Variants in CMSS1 observed in about 807,000 individuals in gnomAD.
The protein encoded by CMSS1 is protein CMSS1.
A neutral mutation model predicts 43.5 loss-of-function variants in CMSS1; 33 were observed. The observed-to-expected ratio is 0.76, with a 90% CI of 0.57 to 1.01. CMSS1 has a LOEUF of 1.01. Ranked by LOEUF, CMSS1 falls within the 50% of genes least tolerant of loss-of-function variation. The pLI, the probability that CMSS1 is intolerant of heterozygous loss-of-function variation, is 0.00. For missense variants in CMSS1, 313 were observed against 326.4 expected (o/e 0.96, Z 0.32); for synonymous variants, 115 against 117.2 (o/e 0.98, Z 0.12).
At chr3:99,999,257 A>G (rs1297062297) in intron 1 of CMSS1, among the ~76,000 whole-genome samples, 1 of 152,204 alleles carries the variant, frequency 6.6e-6, no homozygotes, top group East Asian at 1.9e-4. Flanking sequence ...TGTAGCAAGG[A>G]GGAAAAAGAG....
chr3:99,971,426 A>T (rs1378675277), intron 1 of CMSS1, among the ~76,000 whole-genome samples: 1 of 152,068 alleles, frequency 6.6e-6, no homozygotes, highest in Non-Finnish European at 1.5e-5. Flanking sequence ...AGAGATGAGG[A>T]GTCCTCTTTT....
intron 1 of CMSS1, among the ~76,000 whole-genome samples, chr3:100,126,041 C>T (rs1448694515): frequency 1.3e-5 from 2 of 152,196 alleles, no homozygotes; most frequent in Admixed American, 1.3e-4. Context: ...GTATGATGAT[C>T]TATGTATTCC....
chr3:100,035,747 T>C (rs1413003603), intron 1 of CMSS1, among the ~76,000 whole-genome samples: 3 of 152,192 alleles, frequency 2.0e-5, no homozygotes, highest in African/African-American at 7.2e-5. Flanking sequence ...AAAATTCAAA[T>C]GTAGAGAGAA....
At chr3:99,967,691 C>G (rs1708695090) in intron 1 of CMSS1, among the ~76,000 whole-genome samples, 1 of 152,150 alleles carries the variant, frequency 6.6e-6, no homozygotes, top group Non-Finnish European at 1.5e-5. Flanking sequence ...TGAAAGACAC[C>G]TGAGAAATCT....
At chr3:100,156,922 G>T (rs1300962485) in intron 2 of CMSS1, among the ~76,000 whole-genome samples, 2 of 151,834 alleles carry the variant, frequency 1.3e-5, no homozygotes, top group African/African-American at 2.4e-5. Flanking sequence ...GCTGTTTTTT[G>T]TTGTTGTTGT....
In CMSS1 at chr3:99,876,740, GTGA is replaced by G. The variant is rs140820932; in HGVS notation, c.64+58703_64+58705del. Among the ~76,000 whole-genome samples the G allele has an allele frequency of 6.6e-5, 10 of 152,230 alleles. No homozygotes were observed. In the East Asian group the frequency reaches 1.7e-3, roughly 27 times the overall value. On this transcript the variant is annotated intron_variant, in intron 1 of 9. Transcript: ENST00000421999. ...ATGTAACTACCAAACAATTCTTCAA[GTGA>G]TGATGGAAAGGCCAGATGAAATCTT...
Position 100,101,815 on chromosome 3 carries a change from C to T in CMSS1, c.65-45158C>T, listed in dbSNP as rs2066311406. 4.6e-5 allele frequency among the ~76,000 whole-genome samples: 7 copies of T among 152,240 alleles called. No individual in the cohort carries two copies. In the South Asian group the frequency reaches 1.5e-3, roughly 32 times the overall value. The stretch of plus-strand genomic sequence containing the variant: ...GCCCCAGTGTGTGATGTTCCCCTTC[C>T]TGTGTCCATGTGTTCTCATTGTTCA... On this transcript the variant is annotated intron_variant, in intron 1 of 9. Transcript: ENST00000421999.
intron 1 of CMSS1, among the ~76,000 whole-genome samples, chr3:100,121,324 G>A (rs912266784): frequency 3.6e-5 from 5 of 137,990 alleles, no homozygotes; most frequent in Non-Finnish European, 6.0e-5. Flanking sequence ...TCCCACTTAT[G>A]AGTAAGAACA....
chr3:99,992,515 G>A (rs965510979), intron 1 of CMSS1, among the ~76,000 whole-genome samples: 1 of 151,580 alleles, frequency 6.6e-6, no homozygotes, highest in Non-Finnish European at 1.5e-5. Flanking sequence ...GGGGTTATTT[G>A]GTTTTTTTCT....
chr3:99,832,994 C>A, intron 1 of CMSS1: 1 of 489,932 alleles, frequency 2.0e-6, no homozygotes, highest in Non-Finnish European at 3.6e-6. Context: ...AAGTTTTGTC[C>A]AAATTTGGAA....
At chr3:100,103,527 G>A (rs1382598628) in intron 1 of CMSS1, among the ~76,000 whole-genome samples, 1 of 152,166 alleles carries the variant, frequency 6.6e-6, no homozygotes, top group African/African-American at 2.4e-5. Flanking sequence ...CTTGAATCAG[G>A]TTTTTTCTAG....
chr3:99,924,548 C>T lies in CMSS1; in HGVS notation c.64+106505C>T, dbSNP rs551792680. 38 of 844,414 alleles carry T rather than the reference C, an allele frequency of 4.5e-5. No individual in the cohort carries two copies. In the East Asian group the frequency reaches 5.5e-4, roughly 12 times the overall value. 52.3% of individuals were successfully genotyped at this position (844,414 alleles called of 1,614,324 possible). A position where few individuals can be genotyped will look rare whatever the true frequency, so the allele number is the denominator to read the frequency against. On this transcript the variant is annotated intron_variant, in intron 1 of 9. Coordinates refer to ENST00000421999, the MANE Select transcript of CMSS1 (RefSeq NM_032359.4). ...TGTTTGTTTGTTTTGAAACAGTTTTCGCTGTCGTTGCCCAGGCTGGAGTGC... is the reference window on the plus strand; with the variant it reads ...TGTTTGTTTGTTTTGAAACAGTTTTTGCTGTCGTTGCCCAGGCTGGAGTGC...
At chr3:100,059,741 C>G (rs1483093691) in intron 1 of CMSS1, among the ~76,000 whole-genome samples, 1 of 152,172 alleles carries the variant, frequency 6.6e-6, no homozygotes, top group African/African-American at 2.4e-5. Flanking sequence ...TCCATATGTG[C>G]CGGCCTAGAA....
At chr3:100,157,814 T>C (rs2066989038) in intron 2 of CMSS1, among the ~76,000 whole-genome samples, 1 of 152,168 alleles carries the variant, frequency 6.6e-6, no homozygotes, top group Non-Finnish European at 1.5e-5. Context: ...GTAGGAGATA[T>C]CACCTAGTGG....
intron 4 of CMSS1, among the ~76,000 whole-genome samples, chr3:100,162,745 G>A (rs541653905): frequency 1.4e-4 from 22 of 152,184 alleles, no homozygotes; most frequent in African/African-American, 4.1e-4. Flanking sequence ...AGGCTGAGAC[G>A]GGTGGATCAC....
At chr3:100,085,753 C>T (rs1019761523) in intron 1 of CMSS1, among the ~76,000 whole-genome samples, 3 of 152,290 alleles carry the variant, frequency 2.0e-5, no homozygotes, top group East Asian at 1.9e-4. Context: ...GAGCTATGCA[C>T]GTGGATGATG....
chr3:100,000,466 C>T (rs1709810389), intron 1 of CMSS1, among the ~76,000 whole-genome samples: 1 of 152,032 alleles, frequency 6.6e-6, no homozygotes, highest in East Asian at 1.9e-4. Flanking sequence ...GCTGCTAGGC[C>T]AAATCAAGGA....
At chr3:99,872,459 G>C (rs922804934) in intron 1 of CMSS1, among the ~76,000 whole-genome samples, 2 of 151,950 alleles carry the variant, frequency 1.3e-5, no homozygotes, top group Admixed American at 6.6e-5. Context: ...CTTTAGGCTA[G>C]AATAAGTAGT....
At chr3:99,934,863 T>G (rs1184441033) in intron 1 of CMSS1, among the ~76,000 whole-genome samples, 1 of 152,190 alleles carries the variant, frequency 6.6e-6, no homozygotes, top group Non-Finnish European at 1.5e-5. Flanking sequence ...CTAAAGAGAT[T>G]AGAGTTTTAC....
Sources: gnomAD v4.1 joint callset for allele counts (sites outside exome capture counted in the v4.1 genomes callset) on GRCh38, gnomAD v4.1.1 for gene constraint, MANE v1.5 for transcripts, NCBI Gene and HGNC (gene_info 2026-07-23, HGNC 2026-07-21) for gene names.